Variants in RRM1 observed in about 807,000 individuals in gnomAD.
The protein encoded by RRM1 is ribonucleotide reductase catalytic subunit M1.
A neutral mutation model predicts 101.5 loss-of-function variants in RRM1; 19 were observed. The ratio of observed to expected loss-of-function variants is 0.19; its 90% CI spans 0.13 to 0.27. RRM1 has a LOEUF of 0.27. RRM1 is among the 10% of genes least tolerant of loss of function. RRM1 has a pLI of 1.00. For synonymous variants in RRM1, 298 were observed against 323.4 expected, an observed-to-expected ratio of 0.92 and a Z score of 0.84; for missense variants, 500 against 962.9, an observed-to-expected ratio of 0.52 and a Z score of 6.36.
intron 5 of RRM1, 120 bp from the exon 6 acceptor site, chr11:4,111,481 T>C: frequency 1.7e-6 from 1 of 572,006 alleles, no homozygotes; most frequent in South Asian, 3.3e-5. Context: ...GCTATTCTTT[T>C]CATTTGAAAT....
At position 4,127,273 on chromosome 11, in the gene RRM1, A is replaced by G. The variant is rs746677324; in HGVS notation, c.1692+17A>G. 2.0e-6 allele frequency: 3 copies of G among 1,526,410 alleles called. No individual in the cohort carries two copies. Among genetic ancestry groups the G allele is most frequent in the Admixed American group, 2.1e-5 (1 of 47,124 alleles). 94.6% of individuals were successfully genotyped at this position (1,526,410 alleles called of 1,614,324 possible). A position where few individuals can be genotyped will look rare whatever the true frequency, so the allele number is the denominator to read the frequency against. On this transcript the variant is annotated intron_variant, in intron 14 of 18. Coordinates refer to ENST00000300738, the MANE Select transcript of RRM1 (RefSeq NM_001033.5). ...AGCAAAGGAGTAAGTATATGGATGG[A>G]ATTGTTTTTGCCTGTGAGTACCTGT...
rs2981556 is a variant in RRM1, at chr11:4,101,564, C to G, written c.20-429C>G. ...CCTGACCTCCAGTGATCCACACCCC[C>G]CCCCGCTCCCTTGGCCTCCCAAAGT... is the stretch of plus-strand genomic sequence containing the variant. On this transcript the variant is annotated intron_variant, in intron 1 of 18. Transcript: ENST00000300738. Among the ~76,000 whole-genome samples the G allele has an allele frequency of 4.4e-5, 5 of 114,778 alleles. 1 individual carries two copies. The highest frequency in any genetic ancestry group is 9.1e-5 in the Non-Finnish European group (5 of 54,784). The allele number at this position is 114,778 out of a possible 152,430, so 75.3% of individuals were successfully genotyped here. A position where few individuals can be genotyped will look rare whatever the true frequency, so the allele number is the denominator to read the frequency against.
At chr11:4,103,875 C>T (rs909317482) in intron 2 of RRM1, among the ~76,000 whole-genome samples, 3 of 144,656 alleles carry the variant, frequency 2.1e-5, no homozygotes, top group Non-Finnish European at 3.0e-5. Flanking sequence ...GTTATCTGTC[C>T]GCCTTGGCCT....
chr11:4,121,640 C>A lies in RRM1; in HGVS notation c.913C>A (p.His305Asn). ...GAFAIYLEPW[H>N]LDIFEFLDLK... ...ATTTGCTATTTACCTGGAGCCTTGG[C>A]ATTTAGACATCTTTGAATTCCTTGA... The change falls in exon 10 of 19, where the codon CAT becomes AAT. Residue 305 changes from histidine (H) to asparagine (N), a missense_variant. Around this residue, in one of 9 missense-constraint regions of RRM1, gnomAD observed 111 missense variants for 219.8 expected, o/e 0.51. Transcript: ENST00000300738. 6.2e-7 allele frequency: 1 copy of A among 1,613,732 alleles called. No homozygotes were observed. The highest frequency in any genetic ancestry group is 8.5e-7 in the Non-Finnish European group (1 of 1,179,774).
At chr11:4,095,108 G>T (rs1444601468) in intron 1 of RRM1, 77 bp downstream of exon 1, 2 of 1,316,500 alleles carry the variant, frequency 1.5e-6, no homozygotes, top group Middle Eastern at 2.8e-4. Flanking sequence ...TGCCCAGACC[G>T]CCCGCCCGCC....
At chr11:4,122,355 AGATTTG>A in intron 11 of RRM1, 135 bp downstream of exon 11, 1 of 625,636 alleles carries the variant, frequency 1.6e-6, no homozygotes, top group Non-Finnish European at 2.6e-6. Flanking sequence ...AATTTTGGTC[AGATTTG>A]CTTCCTGACT....
At position 4,097,097 on chromosome 11, in the gene RRM1, C is replaced by T. The variant is rs2094544641; in HGVS notation, c.19+2066C>T. 2.0e-5 allele frequency among the ~76,000 whole-genome samples: 3 copies of T among 151,648 alleles called. 1 individual carries two copies. Among genetic ancestry groups the T allele is most frequent in the Admixed American group, 6.6e-5 (1 of 15,266 alleles). ...GTGTGGAGTTTGAGACCAGCTGGGC[C>T]AACATGGTGGAACCCCGTCTCTACT... On this transcript the variant is annotated intron_variant, in intron 1 of 18. Coordinates refer to ENST00000300738, the MANE Select transcript of RRM1 (RefSeq NM_001033.5).
chr11:4,130,086 ATTTTTTT>A (rs796657105), intron 15 of RRM1, among the ~76,000 whole-genome samples: 1 of 99,484 alleles, frequency 1.0e-5, no homozygotes, highest in Non-Finnish European at 1.7e-5. Context: ...ATATATATAT[ATTTTTTT>A]TTTTTTTTTT....
intron 8 of RRM1, chr11:4,119,565 T>A: frequency 2.7e-6 from 1 of 364,476 alleles, no homozygotes; most frequent in South Asian, 2.7e-5. Context: ...GAGTTTAAAT[T>A]TAGCTACCTT....
chr11:4,112,242 A>G (rs1358996808), intron 7 of RRM1, among the ~76,000 whole-genome samples, 180 bp downstream of exon 7: 1 of 152,276 alleles, frequency 6.6e-6, no homozygotes, highest in Non-Finnish European at 1.5e-5. Context: ...GCAAATGCTT[A>G]TAACAAAAAT....
intron 1 of RRM1, among the ~76,000 whole-genome samples, chr11:4,100,831 A>G (rs1394634275): frequency 6.6e-6 from 1 of 151,886 alleles, no homozygotes; most frequent in Non-Finnish European, 1.5e-5. Context: ...CCTTTCTACA[A>G]ATGAAGATCT....
At chr11:4,110,805 A>G (rs2094564363) in intron 5 of RRM1, among the ~76,000 whole-genome samples, 1 of 151,066 alleles carries the variant, frequency 6.6e-6, no homozygotes, top group Non-Finnish European at 1.5e-5. Flanking sequence ...GTAACAGACC[A>G]GGCACTGCTC....
chr11:4,130,066 T>TATATATATATATATATATATA (rs1554976190), intron 15 of RRM1, among the ~76,000 whole-genome samples: 1 of 32,988 alleles, frequency 3.0e-5, no homozygotes, highest in Non-Finnish European at 5.9e-5. Context: ...TGTACTGTAT[T>TATATATATATATATATATATA]TATATATATA....
intron 9 of RRM1, 69 bp from the exon 10 acceptor site, chr11:4,121,535 C>A: frequency 8.0e-7 from 1 of 1,249,080 alleles, no homozygotes; most frequent in Non-Finnish European, 1.1e-6. Context: ...TATAAAAGTG[C>A]TTTGGGAGAC....
intron 17 of RRM1, among the ~76,000 whole-genome samples, 193 bp downstream of exon 17, chr11:4,133,851 A>T (rs1046650908): frequency 6.6e-6 from 1 of 152,060 alleles, no homozygotes; most frequent in Non-Finnish European, 1.5e-5. Context: ...TCTTGTTTTT[A>T]TGCAATAATA....
intron 11 of RRM1, among the ~76,000 whole-genome samples, chr11:4,122,725 T>C (rs756022634): frequency 6.6e-6 from 1 of 152,024 alleles, no homozygotes; most frequent in Non-Finnish European, 1.5e-5. Flanking sequence ...ATACAAAAAT[T>C]AGCTGGGCGT....
At chr11:4,131,952 C>T (rs868577682) in intron 15 of RRM1, among the ~76,000 whole-genome samples, 5 of 152,276 alleles carry the variant, frequency 3.3e-5, no homozygotes, top group Admixed American at 1.3e-4. Flanking sequence ...TATTTCCCTA[C>T]GCAAGATAGT....
At chr11:4,135,300 T>C (rs138417988) in intron 18 of RRM1, 30 bp downstream of exon 18, 82 of 1,494,426 alleles carry the variant, frequency 5.5e-5, no homozygotes, top group Admixed American at 4.8e-4. Flanking sequence ...GAGTACTTAA[T>C]TGCCAGCTTG....
chr11:4,105,265 C>T (rs371082434), intron 2 of RRM1, among the ~76,000 whole-genome samples: 1 of 152,060 alleles, frequency 6.6e-6, no homozygotes, highest in Non-Finnish European at 1.5e-5. Flanking sequence ...CTCATTGTGT[C>T]GCCCAGGCTG....
Sources: allele counts gnomAD v4.1 joint callset (sites outside exome capture counted in the v4.1 genomes callset), GRCh38; gene constraint gnomAD v4.1.1; regional missense constraint gnomAD v4.1.1; transcripts MANE v1.5; gene names NCBI Gene and HGNC (gene_info 2026-07-23, HGNC 2026-07-21).